Variants in TAFA5 observed in about 807,000 individuals in gnomAD.
The protein encoded by TAFA5 is TAFA chemokine like family member 5, also known as chemokine-like protein TAFA-5.
Under a neutral mutation model 15.3 loss-of-function variants are expected in TAFA5, and 6 were observed. The ratio of observed to expected loss-of-function variants is 0.39; its 90% confidence interval spans 0.21 to 0.77. TAFA5 has a LOEUF of 0.77. TAFA5 is among the 30% of genes least tolerant of loss of function. TAFA5 has a pLI of 0.41. For synonymous variants in TAFA5, 103 were observed against 80.7 expected (o/e 1.28, Z -1.48); for missense variants, 161 against 193.1 (o/e 0.83, Z 0.98).
At chr22:48,710,933 G>A (rs1929232473) in intron 3 of TAFA5, among the ~76,000 whole-genome samples, 1 of 152,176 alleles carries the variant, frequency 6.6e-6, no homozygotes, top group African/African-American at 2.4e-5. Context: ...GTCCAGGGAG[G>A]TGGGATTGAT....
chr22:48,553,697 G>A (rs896963595), intron 1 of TAFA5, among the ~76,000 whole-genome samples: 1 of 152,218 alleles, frequency 6.6e-6, no homozygotes, highest in Non-Finnish European at 1.5e-5. Context: ...GTGCAGGCCC[G>A]TCTGCCTCCC....
chr22:48,595,916 C>T (rs996022672), intron 1 of TAFA5, among the ~76,000 whole-genome samples: 2 of 152,362 alleles, frequency 1.3e-5, no homozygotes, highest in East Asian at 1.9e-4. Context: ...ATACAACTTT[C>T]GCCATGGTTT....
chr22:48,532,594 T>C (rs933749643), intron 1 of TAFA5, among the ~76,000 whole-genome samples: 7 of 152,310 alleles, frequency 4.6e-5, no homozygotes, highest in African/African-American at 1.7e-4. Context: ...CTGCAGACAC[T>C]ATAGTCACGT....
intron 2 of TAFA5, among the ~76,000 whole-genome samples, chr22:48,694,115 C>G (rs977471972): frequency 6.6e-6 from 1 of 152,216 alleles, no homozygotes; most frequent in African/African-American, 2.4e-5. Flanking sequence ...CTTGGGCAGA[C>G]TTCTTGAGCT....
intron 2 of TAFA5, among the ~76,000 whole-genome samples, chr22:48,669,169 T>C (rs1486619505): frequency 6.6e-6 from 1 of 152,206 alleles, no homozygotes; most frequent in African/African-American, 2.4e-5. Context: ...TCTCAGACTT[T>C]CCAGTCCCTG....
At chr22:48,676,738 G>A (rs1304077361) in intron 2 of TAFA5, among the ~76,000 whole-genome samples, 1 of 152,232 alleles carries the variant, frequency 6.6e-6, no homozygotes, top group Non-Finnish European at 1.5e-5. Context: ...CACTGCTCAT[G>A]GCTTGGACTC....
At chr22:48,696,865 C>G (rs768116848) in intron 2 of TAFA5, among the ~76,000 whole-genome samples, 6 of 152,232 alleles carry the variant, frequency 3.9e-5, no homozygotes, top group African/African-American at 9.6e-5. Context: ...ACAGCACAGT[C>G]GCGCAAAGGC....
At position 48,583,146 on chromosome 22, in the gene TAFA5, A is replaced by G. The variant is rs545606028; in HGVS notation, c.113-63451A>G. Among the ~76,000 whole-genome samples the G allele has an allele frequency of 2.6e-3, 389 of 150,636 alleles. 1 individual carries two copies. The highest frequency in any genetic ancestry group is 0.014 in the Middle Eastern group (4 of 286). On this transcript the variant is annotated intron_variant, in intron 1 of 3. Transcript: ENST00000402357. Reference sequence around the variant, plus strand: ...ATCACACGCCACACACACACCACACACCACACACAAAATATACCACACACC... The same window carrying G: ...ATCACACGCCACACACACACCACACGCCACACACAAAATATACCACACACC...
chr22:48,626,578 C>T (rs1044058224), intron 1 of TAFA5, among the ~76,000 whole-genome samples: 1 of 152,212 alleles, frequency 6.6e-6, no homozygotes, highest in Admixed American at 6.5e-5. Context: ...GTGTGCCCTC[C>T]AGATAACAAT....
intron 2 of TAFA5, among the ~76,000 whole-genome samples, chr22:48,680,360 C>T (rs1928142578): frequency 6.6e-6 from 1 of 152,216 alleles, no homozygotes; most frequent in Non-Finnish European, 1.5e-5. Context: ...CTTTAGTGCA[C>T]AGCCTCCTGC....
At chr22:48,636,740 G>C (rs1407912092) in intron 1 of TAFA5, among the ~76,000 whole-genome samples, 2 of 152,250 alleles carry the variant, frequency 1.3e-5, no homozygotes, top group African/African-American at 4.8e-5. Flanking sequence ...GAAGCCTGGA[G>C]ATGGCTGGGC....
chr22:48,532,699 C>T (rs565769256), intron 1 of TAFA5, among the ~76,000 whole-genome samples: 1 of 152,086 alleles, frequency 6.6e-6, no homozygotes, highest in Non-Finnish European at 1.5e-5. Flanking sequence ...TTCCAGGTCA[C>T]CATGAAAGGG....
At chr22:48,721,096 A>C (rs1929556024) in intron 3 of TAFA5, among the ~76,000 whole-genome samples, 1 of 152,158 alleles carries the variant, frequency 6.6e-6, no homozygotes, top group Non-Finnish European at 1.5e-5. Context: ...AGGAAGGTGG[A>C]CGTGAGCTCC....
chr22:48,617,708 G>C (rs369175095), intron 1 of TAFA5, among the ~76,000 whole-genome samples: 1 of 152,206 alleles, frequency 6.6e-6, no homozygotes. Flanking sequence ...GGCGGGGGCT[G>C]GATGTTCTGG....
At chr22:48,545,432 A>G (rs753224606) in intron 1 of TAFA5, 23 of 181,752 alleles carry the variant, frequency 1.3e-4, no homozygotes, top group Non-Finnish European at 2.6e-4. Context: ...GTATCTCCTA[A>G]TGCCTAGTGG....
chr22:48,735,311 CAG>C (rs1424047562), intron 3 of TAFA5, among the ~76,000 whole-genome samples: 1 of 152,192 alleles, frequency 6.6e-6, no homozygotes, highest in Non-Finnish European at 1.5e-5. Context: ...CGCTAGGAGA[CAG>C]ATCACAGCGT....
intron 2 of TAFA5, among the ~76,000 whole-genome samples, chr22:48,662,986 A>G (rs1047037101): frequency 6.6e-6 from 1 of 152,176 alleles, no homozygotes; most frequent in Non-Finnish European, 1.5e-5. Context: ...CTGGCAGCTC[A>G]TGCCTCCCAC....
chr22:48,511,750 G>A (rs1204786458), intron 1 of TAFA5, among the ~76,000 whole-genome samples: 2 of 152,258 alleles, frequency 1.3e-5, no homozygotes, highest in African/African-American at 4.8e-5. Flanking sequence ...CGGAAATGAA[G>A]CATCACCTGT....
chr22:48,671,789 C>G (rs559513377), intron 2 of TAFA5, among the ~76,000 whole-genome samples: 15 of 152,196 alleles, frequency 9.9e-5, no homozygotes, highest in Admixed American at 2.0e-4. Flanking sequence ...CCTGGAGAGT[C>G]TCTCAACTGT....
Sources: allele counts gnomAD v4.1 joint callset (sites outside exome capture counted in the v4.1 genomes callset), GRCh38; gene constraint gnomAD v4.1.1; transcripts MANE v1.5; gene names NCBI Gene and HGNC (gene_info 2026-07-23, HGNC 2026-07-21).